TCF4: variants seen among roughly 807,000 people sequenced by gnomAD.
TCF4 encodes transcription factor 4, also known as SL3-3 enhancer factor 2.
A neutral mutation model predicts 82.1 loss-of-function variants in TCF4; 3 were observed. The ratio of observed to expected loss-of-function variants is 0.04; its 90% CI spans 0.02 to 0.09. The LOEUF (loss-of-function observed/expected upper bound fraction) is 0.09, where lower values mean the gene tolerates loss of function less well. Ranked by LOEUF, TCF4 falls within the 10% of genes least tolerant of loss-of-function variation. The probability of loss-of-function intolerance (pLI) is 1.00; values close to 1 mark genes in which losing one functional copy is unlikely to be tolerated. For missense variants in TCF4, 518 were observed against 852.7 expected (o/e 0.61, Z 4.89); for synonymous variants, 276 against 309.6 (o/e 0.89, Z 1.14).
intron 5 of TCF4, among the ~76,000 whole-genome samples, chr18:55,457,375 C>T (rs1352584097): frequency 6.6e-6 from 1 of 152,208 alleles, no homozygotes; most frequent in African/African-American, 2.4e-5. Context: ...TGTGTGCATG[C>T]ATGTATAACC....
intron 8 of TCF4, among the ~76,000 whole-genome samples, chr18:55,315,299 C>G (rs1436998698): frequency 6.6e-6 from 1 of 152,132 alleles, no homozygotes; most frequent in Non-Finnish European, 1.5e-5. Flanking sequence ...CGTAGTGTCT[C>G]TTTTAAATCT....
At chr18:55,593,273 AATT>A (rs1009304112), upstream of TCF4, among the ~76,000 whole-genome samples, 7 of 152,216 alleles carry the variant, frequency 4.6e-5, no homozygotes, top group Non-Finnish European at 7.3e-5. Context: ...AAAAAAAAAA[AATT>A]ATAACTATCT....
At chr18:55,267,010 T>G (rs2059331228) in intron 11 of TCF4, 1 of 152,170 alleles carries the variant, frequency 6.6e-6, no homozygotes, top group South Asian at 2.1e-4. Flanking sequence ...AGCCCTCTTC[T>G]GAACTGAAAA....
At chr18:55,286,514 C>T (rs746092192) in intron 8 of TCF4, among the ~76,000 whole-genome samples, 1 of 152,208 alleles carries the variant, frequency 6.6e-6, no homozygotes, top group East Asian at 1.9e-4. Context: ...TAGCATTCTC[C>T]TTCCTAAAGT....
intron 8 of TCF4, among the ~76,000 whole-genome samples, chr18:55,315,922 A>T (rs2074010935): frequency 6.6e-6 from 1 of 152,084 alleles, no homozygotes; most frequent in Admixed American, 6.6e-5. Flanking sequence ...ATGTTTTATG[A>T]ATATACAGAT....
At chr18:55,508,301 T>A (rs563352084) in intron 3 of TCF4, among the ~76,000 whole-genome samples, 28 of 152,356 alleles carry the variant, frequency 1.8e-4, no homozygotes, top group African/African-American at 6.0e-4. Context: ...CCCTTTCTTT[T>A]AACCAGGCTG....
At chr18:55,392,269 G>T (rs996130885) in intron 6 of TCF4, among the ~76,000 whole-genome samples, 1 of 151,574 alleles carries the variant, frequency 6.6e-6, no homozygotes, top group African/African-American at 2.4e-5. Context: ...CCGGCCCAAA[G>T]AAGGAAATTC....
At chr18:55,255,519 C>A (rs763144772) in intron 14 of TCF4, among the ~76,000 whole-genome samples, 1 of 152,042 alleles carries the variant, frequency 6.6e-6, no homozygotes. Context: ...CTAGACAATG[C>A]GTATAGTTTT....
At chr18:55,618,819 T>C (rs946943912) in intron 2 of TCF4, among the ~76,000 whole-genome samples, 1 of 151,898 alleles carries the variant, frequency 6.6e-6, no homozygotes, top group Non-Finnish European at 1.5e-5. Flanking sequence ...ACTCCTGGGC[T>C]CAGGCTATCC....
intron 3 of TCF4, among the ~76,000 whole-genome samples, chr18:55,583,095 A>G (rs1192445947): frequency 6.6e-6 from 1 of 152,130 alleles, no homozygotes; most frequent in East Asian, 1.9e-4. Flanking sequence ...ACATATTATA[A>G]TCACCATCAT....
At chr18:55,304,551 C>G (rs1401631139) in intron 8 of TCF4, among the ~76,000 whole-genome samples, 2 of 152,052 alleles carry the variant, frequency 1.3e-5, no homozygotes, top group African/African-American at 4.8e-5. Flanking sequence ...AAAAAACTGT[C>G]CCAACTTCCA....
At chr18:55,593,417 T>G (rs1180583311), upstream of TCF4, among the ~76,000 whole-genome samples, 1 of 152,194 alleles carries the variant, frequency 6.6e-6, no homozygotes, top group African/African-American at 2.4e-5. Context: ...AGATAATGCT[T>G]CTTTCACAGT....
chr18:55,589,959 C>CG (rs2097681396), upstream of TCF4: 1 of 469,322 alleles, frequency 2.1e-6, no homozygotes, highest in Non-Finnish European at 2.8e-6. Context: ...GGAGCGGAGG[C>CG]GGGTGGCTGT....
Position 55,355,259 on chromosome 18 carries a change from A to G in TCF4, c.370-4256T>C, listed in dbSNP as rs533507974. Among the ~76,000 whole-genome samples the G allele has an allele frequency of 2.3e-4, 35 of 152,332 alleles. 1 individual carries two copies. The highest frequency in any genetic ancestry group is 1.6e-3 in the Admixed American group (24 of 15,296). On this transcript the variant is annotated intron_variant, in intron 6 of 19. Coordinates refer to ENST00000354452, the MANE Select transcript of TCF4 (RefSeq NM_001083962.2). ...GACTTTGTGGCATTAAATGCAAAAT[A>G]CACATTGAGTGAAATTACAAGTTAG...
At chr18:55,635,345 C>G (rs1480487784) in intron 1 of TCF4, among the ~76,000 whole-genome samples, 1 of 151,948 alleles carries the variant, frequency 6.6e-6, no homozygotes, top group African/African-American at 2.4e-5. Flanking sequence ...CCTGTCTCTA[C>G]TAAAAATACA....
chr18:55,420,820 A>C (rs752891685), intron 5 of TCF4, among the ~76,000 whole-genome samples: 9 of 152,102 alleles, frequency 5.9e-5, no homozygotes, highest in Non-Finnish European at 1.3e-4. Context: ...AAAGTGCCTA[A>C]AGCCACAGAT....
chr18:55,262,327 A>C (rs1462951151), intron 11 of TCF4, among the ~76,000 whole-genome samples: 2 of 152,180 alleles, frequency 1.3e-5, no homozygotes, highest in Non-Finnish European at 2.9e-5. Flanking sequence ...TATCATTGGA[A>C]GGTATCTTGC....
intron 5 of TCF4, among the ~76,000 whole-genome samples, chr18:55,415,476 T>A (rs1282308921): frequency 6.6e-6 from 1 of 152,180 alleles, no homozygotes; most frequent in African/African-American, 2.4e-5. Context: ...AGGGCGCACA[T>A]GCCCCAACAA....
chr18:55,412,632 A>G (rs2146724650), intron 5 of TCF4, among the ~76,000 whole-genome samples: 1 of 152,288 alleles, frequency 6.6e-6, no homozygotes, highest in South Asian at 2.1e-4. Context: ...ACAAGTCCAC[A>G]GTGAGGGAGA....
Sources: gnomAD v4.1 joint callset for allele counts (sites outside exome capture counted in the v4.1 genomes callset) on GRCh38, gnomAD v4.1.1 for gene constraint, MANE v1.5 for transcripts, NCBI Gene and HGNC (gene_info 2026-07-23, HGNC 2026-07-21) for gene names.